The following SLC2A12 variants were observed in gnomAD, a reference collection of about 807,000 sequenced individuals.
SLC2A12 encodes the protein solute carrier family 2, facilitated glucose transporter member 12.
Under a neutral mutation model 41.8 loss-of-function variants are expected in SLC2A12, and 23 were observed. The observed-to-expected ratio is 0.55, with a 90% CI of 0.40 to 0.78. The LOEUF (loss-of-function observed/expected upper bound fraction) is 0.78. Ranked by LOEUF, SLC2A12 falls within the 30% of genes least tolerant of loss-of-function variation. SLC2A12 has a pLI of 0.00. For missense variants in SLC2A12, 654 were observed against 745.6 expected (o/e 0.88, Z 1.43); for synonymous variants, 295 against 285.9 (o/e 1.03, Z -0.32).
intron 1 of SLC2A12, among the ~76,000 whole-genome samples, chr6:134,033,908 G>A (rs905039679): frequency 5.9e-5 from 9 of 152,040 alleles, no homozygotes; most frequent in Non-Finnish European, 1.3e-4. Context: ...GCTCCTGACA[G>A]AAGAGGGACC....
At chr6:133,994,113 G>C (rs1776655063) in intron 4 of SLC2A12, among the ~76,000 whole-genome samples, 1 of 152,204 alleles carries the variant, frequency 6.6e-6, no homozygotes, top group African/African-American at 2.4e-5. Context: ...CCGTGAAGGT[G>C]TTCAGGCTCT....
chr6:134,014,680 T>C (rs1031808970), intron 2 of SLC2A12, among the ~76,000 whole-genome samples: 2 of 152,240 alleles, frequency 1.3e-5, no homozygotes, highest in Non-Finnish European at 2.9e-5. Flanking sequence ...TTTATTAAGA[T>C]AGTATTAAAG....
intron 2 of SLC2A12, among the ~76,000 whole-genome samples, chr6:134,025,870 A>C (rs2492303): frequency 0.37 from 55,926 of 152,144 alleles, 10,638 homozygotes; most frequent in South Asian, 0.46. Context: ...TCTAAAATCA[A>C]ATTTGGTTTT....
chr6:134,028,406 A>C lies in SLC2A12; in HGVS notation c.1419T>G (p.Ala473=), dbSNP rs770223622. 1 of 1,613,134 alleles carries C rather than the reference A, an allele frequency of 6.2e-7. No homozygotes were observed. Among genetic ancestry groups the C allele is most frequent in the South Asian group, 1.1e-5 (1 of 90,908 alleles). The change falls in exon 2 of 5, where the codon GCT becomes GCG. Residue 473 remains alanine (A), a synonymous_variant. Transcript: ENST00000275230. ...LSLASLLVYV[A]AFSIGLGPMP... ...TTGGTCCTAGACCAATTGAAAAAGC[A>C]GCAACATAAACAAGCAAGCTGGCTA... is the stretch of plus-strand genomic sequence containing the variant.
At chr6:134,052,356 G>C in intron 1 of SLC2A12, 22 bp downstream of exon 1, 4 of 1,602,024 alleles carry the variant, frequency 2.5e-6, no homozygotes, top group Non-Finnish European at 2.6e-6. Context: ...GCGGTCACCC[G>C]AGCACTGCAG....
At chr6:134,042,102 A>G (rs2114503889) in intron 1 of SLC2A12, among the ~76,000 whole-genome samples, 1 of 152,378 alleles carries the variant, frequency 6.6e-6, no homozygotes, top group East Asian at 1.9e-4. Flanking sequence ...TAGTGAGTAC[A>G]TAGCAACTTT....
rs370030470 is a variant in SLC2A12, at chr6:134,044,742, G to A, written c.103+7636C>T. Among the ~76,000 whole-genome samples the A allele has an allele frequency of 2.2e-3, 304 of 140,680 alleles. 1 individual carries two copies. Among genetic ancestry groups the A allele is most frequent in the African/African-American group, 7.8e-3 (290 of 37,276 alleles). The allele number at this position is 140,680 out of a possible 152,430, so 92.3% of individuals were successfully genotyped here. A position where few individuals can be genotyped will look rare whatever the true frequency, so the allele number is the denominator to read the frequency against. On this transcript the variant is annotated intron_variant, in intron 1 of 4. Transcript: ENST00000275230. ...AAAAAAAAAAAAAAAAAAGAATAAT[G>A]TCTTAGATACATTTTTTTTTAACCC...
At chr6:133,995,004 A>C (rs1028476846) in intron 4 of SLC2A12, among the ~76,000 whole-genome samples, 2 of 152,200 alleles carry the variant, frequency 1.3e-5, no homozygotes, top group African/African-American at 4.8e-5. Flanking sequence ...ACCAACATGG[A>C]GGTAATTGGG....
chr6:134,009,855 A>G (rs532070856), intron 2 of SLC2A12, among the ~76,000 whole-genome samples: 3 of 152,188 alleles, frequency 2.0e-5, no homozygotes, highest in African/African-American at 7.2e-5. Context: ...TCACCCCAAT[A>G]AAGAGAGAAT....
intron 2 of SLC2A12, among the ~76,000 whole-genome samples, chr6:134,011,807 C>T (rs924539466): frequency 4.6e-5 from 7 of 151,940 alleles, no homozygotes; most frequent in African/African-American, 1.5e-4. Flanking sequence ...TTTGGGAGCC[C>T]GAGGTGGGCA....
intron 1 of SLC2A12, among the ~76,000 whole-genome samples, chr6:134,043,067 G>A (rs1437492494): frequency 6.6e-6 from 1 of 152,098 alleles, no homozygotes; most frequent in African/African-American, 2.4e-5. Flanking sequence ...GAATTTTCAG[G>A]ATGGGCCTAC....
chr6:134,035,450 G>T lies in SLC2A12; in HGVS notation c.104-5729C>A, dbSNP rs974533853. ...CAGTGAGGCCCAAAAAATCTGGACA[G>T]GCCTTGCTGGGTTTCTGTTTCAGTT... On this transcript the variant is annotated intron_variant, in intron 1 of 4. Coordinates refer to ENST00000275230, the MANE Select transcript of SLC2A12 (RefSeq NM_145176.3). 3.3e-5 allele frequency among the ~76,000 whole-genome samples: 5 copies of T among 152,154 alleles called. 1 individual carries two copies. Among genetic ancestry groups the T allele is most frequent in the African/African-American group, 1.2e-4 (5 of 41,438 alleles).
At chr6:134,001,956 C>A in intron 4 of SLC2A12, 41 bp downstream of exon 4, 1 of 1,584,878 alleles carries the variant, frequency 6.3e-7, no homozygotes, top group Non-Finnish European at 8.5e-7. Context: ...GCACTTTTGA[C>A]CAAAGAGTAT....
At position 133,990,405 on chromosome 6, in the gene SLC2A12, A is replaced by G. The variant is rs1159281799; in HGVS notation, c.*750T>C. ...TAATGTTTTACTAACAGCTACTTCT[A>G]AATAAATATGGTCCCAGGATTTTAA... is the stretch of plus-strand genomic sequence containing the variant. On this transcript the variant is annotated 3_prime_UTR_variant, in exon 5 of 5. Transcript: ENST00000275230. 1 of 152,664 alleles carries G rather than the reference A, an allele frequency of 6.6e-6. No homozygotes were observed. Among genetic ancestry groups the G allele is most frequent in the Non-Finnish European group, 1.5e-5 (1 of 68,044 alleles). 9.5% of individuals were successfully genotyped at this position (152,664 alleles called of 1,614,324 possible). A position where few individuals can be genotyped will look rare whatever the true frequency, so the allele number is the denominator to read the frequency against.
chr6:133,999,655 A>G (rs1045946880), intron 4 of SLC2A12, among the ~76,000 whole-genome samples: 1 of 152,178 alleles, frequency 6.6e-6, no homozygotes. Context: ...GCCAGCACCT[A>G]CTGCCACCTA....
At chr6:134,050,643 TTC>T (rs1228990093) in intron 1 of SLC2A12, among the ~76,000 whole-genome samples, 1 of 152,222 alleles carries the variant, frequency 6.6e-6, no homozygotes, top group African/African-American at 2.4e-5. Flanking sequence ...CCTAGGCAGT[TTC>T]TTTTCATCTT....
intron 2 of SLC2A12, among the ~76,000 whole-genome samples, chr6:134,024,267 T>TC (rs1340246934): frequency 1.3e-5 from 2 of 152,240 alleles, no homozygotes; most frequent in Non-Finnish European, 2.9e-5. Flanking sequence ...TCTACCGGAT[T>TC]CAGTGAGTCG....
intron 1 of SLC2A12, among the ~76,000 whole-genome samples, chr6:134,048,979 T>C (rs1425476645): frequency 6.6e-6 from 1 of 152,138 alleles, no homozygotes; most frequent in Admixed American, 6.5e-5. Context: ...CCTGACGAAA[T>C]TCCAGGGGGC....
intron 2 of SLC2A12, among the ~76,000 whole-genome samples, chr6:134,019,234 C>T (rs1034897295): frequency 2.6e-5 from 4 of 152,058 alleles, no homozygotes; most frequent in Non-Finnish European, 4.4e-5. Flanking sequence ...ATATATTTTC[C>T]GGAGTTTCAG....
Sources: allele counts gnomAD v4.1 joint callset (sites outside exome capture counted in the v4.1 genomes callset), GRCh38; gene constraint gnomAD v4.1.1; transcripts MANE v1.5; gene names NCBI Gene and HGNC (gene_info 2026-07-23, HGNC 2026-07-21).